The following HOMER2 variants were observed in gnomAD, a reference collection of about 807,000 sequenced individuals.
HOMER2 encodes the protein homer scaffold protein 2, also known as homer protein homolog 2.
In HOMER2, 27 loss-of-function variants were observed where a neutral mutation model predicts 47.0. The observed-to-expected ratio is 0.57, with a 90% CI of 0.42 to 0.79. The LOEUF (loss-of-function observed/expected upper bound fraction) is 0.79, where lower values mean the gene tolerates loss of function less well. HOMER2 is among the 30% of genes least tolerant of loss of function. The probability of loss-of-function intolerance (pLI) is 0.00; values close to 1 mark genes in which losing one functional copy is unlikely to be tolerated. For synonymous variants in HOMER2, 161 were observed against 163.8 expected (o/e 0.98, Z 0.13); for missense variants, 443 against 435.0 (o/e 1.02, Z -0.16).
chr15:82,908,413 T>C (rs1031968259), intron 1 of HOMER2, among the ~76,000 whole-genome samples: 1 of 152,156 alleles, frequency 6.6e-6, no homozygotes, highest in Non-Finnish European at 1.5e-5. Flanking sequence ...CAGGTGACCA[T>C]GTCAAAACTA....
At chr15:82,976,912 G>A (rs1226077125) in intron 1 of HOMER2, among the ~76,000 whole-genome samples, 1 of 151,952 alleles carries the variant, frequency 6.6e-6, no homozygotes, top group Non-Finnish European at 1.5e-5. Flanking sequence ...CTGACCTCAG[G>A]TGATCTGCCC....
At chr15:82,856,548 G>A (rs1007373921) in intron 5 of HOMER2, among the ~76,000 whole-genome samples, 1 of 152,118 alleles carries the variant, frequency 6.6e-6, no homozygotes, top group Non-Finnish European at 1.5e-5. Context: ...GAGCCCAGGA[G>A]TTCAAGGCTG....
intron 1 of HOMER2, among the ~76,000 whole-genome samples, chr15:82,929,610 C>T (rs1320038373): frequency 5.8e-5 from 8 of 138,946 alleles, no homozygotes; most frequent in Non-Finnish European, 9.1e-5. Flanking sequence ...GAGCCGAGAT[C>T]GCGTCACTGC....
At position 82,839,598 on chromosome 15, in the gene HOMER2, A is replaced by C. The variant is rs561453150; in HGVS notation, c.*7676T>G. 5.9e-5 allele frequency: 9 copies of C among 152,382 alleles called. No homozygotes were observed. In the East Asian group the frequency reaches 1.5e-3, roughly 26 times the overall value. The allele number at this position is 152,382 out of a possible 1,614,324, so 9.4% of individuals were successfully genotyped here. On this transcript the variant is annotated 3_prime_UTR_variant, in exon 2 of 2. Coordinates refer to the HOMER2 transcript ENST00000558090. ...AATTCACAAAGGTATACAAGCCTTT[A>C]AAGGAAAATATTTTTTCCCTTAAAT...
intron 1 of HOMER2, among the ~76,000 whole-genome samples, chr15:82,903,872 C>G (rs2053207215): frequency 6.6e-6 from 1 of 152,122 alleles, no homozygotes; most frequent in Non-Finnish European, 1.5e-5. Flanking sequence ...CATGGTGGCT[C>G]ATGCCTGTAA....
At chr15:82,965,768 CT>C (rs112817725) in intron 1 of HOMER2, among the ~76,000 whole-genome samples, 1,492 of 144,200 alleles carry the variant, frequency 0.01, 15 homozygotes, top group African/African-American at 0.024. Flanking sequence ...CCTCAAAGCC[CT>C]TTTTTTTTTT....
chr15:82,860,801 G>T (rs2051746956), intron 4 of HOMER2, among the ~76,000 whole-genome samples: 1 of 151,952 alleles, frequency 6.6e-6, no homozygotes. Flanking sequence ...GCCAGACATG[G>T]TGGCAGGCGC....
At chr15:82,875,729 G>A (rs920258648) in intron 2 of HOMER2, among the ~76,000 whole-genome samples, 1 of 152,312 alleles carries the variant, frequency 6.6e-6, no homozygotes, top group African/African-American at 2.4e-5. Context: ...AAGCTGCCAC[G>A]CATCAGAGTG....
At chr15:82,878,207 T>C (rs958923770) in intron 2 of HOMER2, among the ~76,000 whole-genome samples, 7 of 152,154 alleles carry the variant, frequency 4.6e-5, no homozygotes, top group African/African-American at 1.7e-4. Flanking sequence ...CTGGCCAGAG[T>C]ATAGGATATG....
chr15:82,854,525 T>C, intron 6 of HOMER2, 119 bp downstream of exon 6: 3 of 1,026,828 alleles, frequency 2.9e-6, no homozygotes, highest in Non-Finnish European at 4.2e-6. Context: ...GCAGCAAGTC[T>C]TCCTCTGGCC....
chr15:82,900,546 T>C (rs2053082002), intron 1 of HOMER2, among the ~76,000 whole-genome samples: 1 of 152,174 alleles, frequency 6.6e-6, no homozygotes. Flanking sequence ...GTTTTAGCCA[T>C]CTCAGATATT....
intron 4 of HOMER2, among the ~76,000 whole-genome samples, chr15:82,860,043 T>A (rs921175497): frequency 6.6e-6 from 1 of 151,618 alleles, no homozygotes; most frequent in African/African-American, 2.4e-5. Context: ...AGGCCAGGAG[T>A]TTGACACCAG....
chr15:82,952,433 C>A, intron 1 of HOMER2, 98 bp downstream of exon 1: 4 of 886,544 alleles, frequency 4.5e-6, no homozygotes, highest in Non-Finnish European at 5.8e-6. Flanking sequence ...GAGGCGGGGG[C>A]CGGCCCGCCG....
chr15:82,846,874 T>A (rs2151589277), downstream of HOMER2: 1 of 152,380 alleles, frequency 6.6e-6, no homozygotes, highest in Non-Finnish European at 1.5e-5. Context: ...AACTTTAAAA[T>A]GCATCCAGCT....
At chr15:82,928,959 A>AAAAAAAAAAAAAAAAAAAAAC (rs1173356706) in intron 1 of HOMER2, among the ~76,000 whole-genome samples, 1 of 148,964 alleles carries the variant, frequency 6.7e-6, no homozygotes, top group Non-Finnish European at 1.5e-5. Flanking sequence ...AAAAAAAAAA[A>AAAAAAAAAAAAAAAAAAAAAC]AGCTGTCATG....
chr15:82,907,426 AGAAG>A (rs1250690159), intron 1 of HOMER2, among the ~76,000 whole-genome samples: 2 of 149,750 alleles, frequency 1.3e-5, no homozygotes, highest in Non-Finnish European at 3.0e-5. Flanking sequence ...AGAAAGAAAG[AGAAG>A]GAAAGAAAGA....
chr15:82,900,960 A>C (rs1429872174), intron 1 of HOMER2, among the ~76,000 whole-genome samples: 1 of 152,218 alleles, frequency 6.6e-6, no homozygotes, highest in Admixed American at 6.5e-5. Flanking sequence ...CATTTACACC[A>C]GGGAATGGAT....
exon 2 of HOMER2, chr15:82,839,239 T>C (rs1196712901): frequency 1.3e-5 from 2 of 152,214 alleles, no homozygotes; most frequent in Non-Finnish European, 2.9e-5. Context: ...TAGGTTGCCT[T>C]TGTGTGGGCC....
chr15:82,898,706 A>G (rs920663669), intron 1 of HOMER2, among the ~76,000 whole-genome samples: 1 of 152,232 alleles, frequency 6.6e-6, no homozygotes, highest in Non-Finnish European at 1.5e-5. Flanking sequence ...TCCTGCTTTG[A>G]ACAATTTCTG....
Sources: gnomAD v4.1 joint callset for allele counts (sites outside exome capture counted in the v4.1 genomes callset) on GRCh38, gnomAD v4.1.1 for gene constraint, MANE v1.5 for transcripts, NCBI Gene and HGNC (gene_info 2026-07-23, HGNC 2026-07-21) for gene names.